The following EEF1AKMT3 variants were observed in gnomAD, a reference collection of about 807,000 sequenced individuals.
The protein encoded by EEF1AKMT3 is eEF1A-KMT3.
Under a neutral mutation model 17.8 loss-of-function variants are expected in EEF1AKMT3, and 17 were observed. That is an observed-to-expected ratio of 0.96 (90% CI 0.65 to 1.43). The LOEUF is 1.43. Ranked by LOEUF, EEF1AKMT3 falls within the 40% of genes most tolerant of loss-of-function variation. The pLI, the probability that EEF1AKMT3 is intolerant of heterozygous loss-of-function variation, is 0.00. For missense variants in EEF1AKMT3, 244 were observed against 285.8 expected (o/e 0.85, Z 1.06); for synonymous variants, 116 against 126.5 (o/e 0.92, Z 0.56).
chr12:57,776,304 T>G (rs1955480001), intron 2 of EEF1AKMT3, among the ~76,000 whole-genome samples: 1 of 152,230 alleles, frequency 6.6e-6, no homozygotes, highest in African/African-American at 2.4e-5. Flanking sequence ...GCTTACTTTC[T>G]GTCTGAAACT....
At chr12:57,777,235 G>A (rs1409356423) in intron 2 of EEF1AKMT3, among the ~76,000 whole-genome samples, 1 of 151,970 alleles carries the variant, frequency 6.6e-6, no homozygotes, top group Non-Finnish European at 1.5e-5. Context: ...GTAATATATG[G>A]AATATAAAAT....
At chr12:57,773,945 G>A (rs1955464006) in intron 2 of EEF1AKMT3, among the ~76,000 whole-genome samples, 3 of 152,196 alleles carry the variant, frequency 2.0e-5, no homozygotes, top group Admixed American at 1.3e-4. Flanking sequence ...GTTAGGATGT[G>A]TTTTGTAGGA....
intron 2 of EEF1AKMT3, among the ~76,000 whole-genome samples, chr12:57,777,574 C>A (rs532838237): frequency 6.6e-6 from 1 of 152,122 alleles, no homozygotes; most frequent in African/African-American, 2.4e-5. Context: ...TTCTGCTTAC[C>A]GGCAGGAACT....
At chr12:57,778,200 T>A (rs962211542) in intron 2 of EEF1AKMT3, among the ~76,000 whole-genome samples, 1 of 151,502 alleles carries the variant, frequency 6.6e-6, no homozygotes, top group African/African-American at 2.4e-5. Context: ...GATCTTCCTG[T>A]CCAAATTGCG....
chr12:57,781,026 G>T lies in EEF1AKMT3; in HGVS notation c.*380G>T. ...ATTCCTGTTGCTGTTTACACAGAAT[G>T]GACTTTAAAAAAATTCTGTGGGATT... On this transcript the variant is annotated 3_prime_UTR_variant, in exon 3 of 3. Transcript: ENST00000300209. 1 of 219,170 alleles carries T rather than the reference G, an allele frequency of 4.6e-6. No homozygotes were observed. The highest frequency in any genetic ancestry group is 8.9e-6 in the Non-Finnish European group (1 of 112,546). The allele number at this position is 219,170 out of a possible 1,614,324, so 13.6% of individuals were successfully genotyped here. A position where few individuals can be genotyped will look rare whatever the true frequency, so the allele number is the denominator to read the frequency against.
chr12:57,777,545 A>C (rs1955487571), intron 2 of EEF1AKMT3, among the ~76,000 whole-genome samples: 1 of 152,156 alleles, frequency 6.6e-6, no homozygotes, highest in Non-Finnish European at 1.5e-5. Context: ...TTTGGTTTCC[A>C]GGGGACCACA....
At chr12:57,779,862 AC>A (rs1955501597) in intron 2 of EEF1AKMT3, among the ~76,000 whole-genome samples, 1 of 152,032 alleles carries the variant, frequency 6.6e-6, no homozygotes, top group Non-Finnish European at 1.5e-5. Context: ...GGAAAGCTCC[AC>A]CTGACTAACT....
At position 57,772,996 on chromosome 12, in the gene EEF1AKMT3, T is replaced by C; in HGVS notation, c.178-21T>C. 6.2e-7 allele frequency: 1 copy of C among 1,614,138 alleles called. No homozygotes were observed. Among genetic ancestry groups the C allele is most frequent in the South Asian group, 1.1e-5 (1 of 91,070 alleles). ...GGAGCCATCCTCACGACTGTCTTTT[T>C]CTCTGTCTTTTCTCCCGTAGGCCCT... On this transcript the variant is annotated intron_variant, in intron 1 of 2. Transcript: ENST00000300209. This position sits in a 1 kb window ranked among gnomAD's most constrained non-coding sequence, Gnocchi z 4.1.
intron 2 of EEF1AKMT3, among the ~76,000 whole-genome samples, chr12:57,776,367 A>G (rs1015430340): frequency 2.6e-5 from 4 of 152,026 alleles, no homozygotes; most frequent in African/African-American, 9.7e-5. Context: ...CTCAAACATC[A>G]CTTCGAAGGG....
Position 57,772,844 on chromosome 12 carries a change from G to C in EEF1AKMT3, c.120G>C (p.Leu40=). 6.2e-7 allele frequency: 1 copy of C among 1,614,184 alleles called. No individual in the cohort carries two copies. Among genetic ancestry groups the C allele is most frequent in the Non-Finnish European group, 8.5e-7 (1 of 1,180,014 alleles). ...AGTTCTGTTTCTGTGGGCATGTGCT[G>C]ACCATCACGCAGAACTTTGGGTCCC... is the stretch of plus-strand genomic sequence containing the variant. ...KSQFCFCGHV[L]TITQNFGSRL... The change falls in exon 1 of 3, where the codon CTG becomes CTC. Residue 40 remains leucine (L), a synonymous_variant. Coordinates refer to ENST00000300209, the MANE Select transcript of EEF1AKMT3 (RefSeq NM_015433.3). The surrounding 1 kb of genome is among the most constrained non-coding windows in gnomAD (Gnocchi z 4.1).
chr12:57,775,863 C>T (rs746913801), intron 2 of EEF1AKMT3, among the ~76,000 whole-genome samples: 5 of 152,164 alleles, frequency 3.3e-5, no homozygotes, highest in Non-Finnish European at 7.3e-5. Context: ...ACCTTTGACA[C>T]GACCCTCTTT....
Position 57,775,105 on chromosome 12 carries a change from CAAAAAAAAAAA to C in EEF1AKMT3, c.289+1994_289+2004del, listed in dbSNP as rs1019116260. Reference sequence around the variant, plus strand: ...GAGCAACAAGAGTGAAACGCCATCTCAAAAAAAAAAAAAAAAAAAAAAAAAAAGAAACAGTG... The same window carrying C: ...GAGCAACAAGAGTGAAACGCCATCTCAAAAAAAAAAAAAAAAGAAACAGTG... On this transcript the variant is annotated intron_variant, in intron 2 of 2. Transcript: ENST00000300209. 1.5e-4 allele frequency among the ~76,000 whole-genome samples: 5 copies of C among 33,628 alleles called. No homozygotes were observed. In the East Asian group the frequency reaches 2.9e-3, roughly 19 times the overall value. The allele number at this position is 33,628 out of a possible 152,430, so 22.1% of individuals were successfully genotyped here. A position where few individuals can be genotyped will look rare whatever the true frequency, so the allele number is the denominator to read the frequency against.
rs1329140245 is a variant in EEF1AKMT3 at position 57,773,020 on chromosome 12, C to A, written c.181C>A (p.Leu61Met). ...GVAARVWDAA[L>M]SLCNYFESQN... ...TTCTCTGTCTTTTCTCCCGTAGGCC[C>A]TGAGCCTGTGCAATTATTTCGAGAG... The change falls in exon 2 of 3, where the codon CTG becomes ATG. Residue 61 changes from leucine to methionine, a missense_variant. Leu to Met is a conservative substitution (Grantham distance 15). Transcript: ENST00000300209. 1.2e-6 allele frequency: 2 copies of A among 1,614,062 alleles called. No individual in the cohort carries two copies. Among genetic ancestry groups the A allele is most frequent in the Non-Finnish European group, 1.7e-6 (2 of 1,180,040 alleles).
intron 2 of EEF1AKMT3, 128 bp from the exon 3 acceptor site, chr12:57,780,127 C>A: frequency 9.0e-7 from 1 of 1,112,768 alleles, no homozygotes; most frequent in Non-Finnish European, 1.3e-6. Flanking sequence ...CAACTAAAAG[C>A]CAGTGTGGGC....
At position 57,780,919 on chromosome 12, in the gene EEF1AKMT3, G is replaced by C. The variant is rs963906429; in HGVS notation, c.*273G>C. 4 of 518,828 alleles carry C rather than the reference G, an allele frequency of 7.7e-6. No homozygotes were observed. The highest frequency in any genetic ancestry group is 7.6e-5 in the African/African-American group (4 of 52,350). The allele number at this position is 518,828 out of a possible 1,614,324, so 32.1% of individuals were successfully genotyped here. ...GTTCTCAGAGAAGGAGGATGGTAAG[G>C]TATCCAGGATTTTTAGGGGGTAAGG... On this transcript the variant is annotated 3_prime_UTR_variant, in exon 3 of 3. Coordinates refer to ENST00000300209, the MANE Select transcript of EEF1AKMT3 (RefSeq NM_015433.3).
intron 2 of EEF1AKMT3, among the ~76,000 whole-genome samples, chr12:57,775,724 CTTCT>C (rs1955476936): frequency 6.6e-6 from 1 of 152,176 alleles, no homozygotes; most frequent in Non-Finnish European, 1.5e-5. Flanking sequence ...GGCCTTCAAG[CTTCT>C]TCTGGGGAAG....
chr12:57,774,824 G>A (rs757886774), intron 2 of EEF1AKMT3: 4 of 1,505,826 alleles, frequency 2.7e-6, no homozygotes, highest in African/African-American at 1.4e-5. Context: ...GGAGGGTGCC[G>A]GCCGGGCTCG....
intron 2 of EEF1AKMT3, among the ~76,000 whole-genome samples, chr12:57,777,748 G>T (rs1024888087): frequency 6.6e-6 from 1 of 152,148 alleles, no homozygotes; most frequent in Admixed American, 6.5e-5. Flanking sequence ...AGCCGGACGC[G>T]GTGGCTTACG....
At chr12:57,774,263 CT>C (rs1267135849) in intron 2 of EEF1AKMT3, among the ~76,000 whole-genome samples, 1 of 152,168 alleles carries the variant, frequency 6.6e-6, no homozygotes, top group Non-Finnish European at 1.5e-5. Flanking sequence ...GGTGGATCAC[CT>C]GAGGTCAGGA....
Sources: gnomAD v4.1 joint callset for allele counts (sites outside exome capture counted in the v4.1 genomes callset) on GRCh38, gnomAD v4.1.1 for gene constraint, Gnocchi (gnomAD v3.1) non-coding constraint, MANE v1.5 for transcripts, NCBI Gene and HGNC (gene_info 2026-07-23, HGNC 2026-07-21) for gene names.